Variants in KCNAB1 observed in about 807,000 individuals in gnomAD.
KCNAB1 encodes the protein voltage-gated potassium channel subunit beta-1.
In KCNAB1, 35 loss-of-function variants were observed where a neutral mutation model predicts 64.6. The ratio of observed to expected loss-of-function variants is 0.54; its 90% confidence interval spans 0.41 to 0.72. The LOEUF is 0.72. Among genes scored for constraint, KCNAB1 ranks in the 30% least tolerant of loss-of-function variants. The probability of loss-of-function intolerance (pLI) is 0.00; values close to 1 mark genes in which losing one functional copy is unlikely to be tolerated. For synonymous variants in KCNAB1, 177 were observed against 183.8 expected (o/e 0.96, Z 0.30); for missense variants, 401 against 512.9 (o/e 0.78, Z 2.11).
At chr3:156,391,401 C>A (rs953021904) in intron 1 of KCNAB1, among the ~76,000 whole-genome samples, 1 of 151,994 alleles carries the variant, frequency 6.6e-6, no homozygotes, top group Non-Finnish European at 1.5e-5. Context: ...TAAAAATTTT[C>A]CTTTTGTTTA....
At chr3:156,286,930 C>T (rs1455064429) in intron 1 of KCNAB1, among the ~76,000 whole-genome samples, 2 of 152,162 alleles carry the variant, frequency 1.3e-5, no homozygotes, top group East Asian at 3.8e-4. Flanking sequence ...CATGTTTCTT[C>T]ATTTGTAGAA....
chr3:156,421,799 T>C, intron 2 of KCNAB1, 140 bp downstream of exon 2: 1 of 665,382 alleles, frequency 1.5e-6, no homozygotes, highest in Non-Finnish European at 2.6e-6. Context: ...CCACTTCTCC[T>C]TTGAGCCTTT....
chr3:156,125,306 A>G (rs1046372864), intron 1 of KCNAB1, among the ~76,000 whole-genome samples: 24 of 152,166 alleles, frequency 1.6e-4, no homozygotes, highest in African/African-American at 5.6e-4. Context: ...GACTCCAAAA[A>G]TCCCCAACAA....
At chr3:156,277,514 A>G (rs556431480) in intron 1 of KCNAB1, among the ~76,000 whole-genome samples, 17 of 152,162 alleles carry the variant, frequency 1.1e-4, no homozygotes, top group Non-Finnish European at 2.4e-4. Flanking sequence ...TTCTGTTTCT[A>G]GCTTTTTTCA....
intron 13 of KCNAB1, among the ~76,000 whole-genome samples, chr3:156,534,689 A>G (rs1228910130): frequency 6.6e-6 from 1 of 152,096 alleles, no homozygotes; most frequent in Non-Finnish European, 1.5e-5. Flanking sequence ...TAGGAACCCA[A>G]TCCTGGGAGG....
intron 1 of KCNAB1, among the ~76,000 whole-genome samples, chr3:156,157,270 C>G (rs1465488486): frequency 6.6e-6 from 1 of 152,188 alleles, no homozygotes; most frequent in Non-Finnish European, 1.5e-5. Flanking sequence ...TGAACTCCTA[C>G]TTAACAGAAC....
At chr3:156,145,543 T>C (rs545649477) in intron 1 of KCNAB1, among the ~76,000 whole-genome samples, 1 of 152,174 alleles carries the variant, frequency 6.6e-6, no homozygotes, top group South Asian at 2.1e-4. Context: ...TTCATATTCT[T>C]ACTTCTTTAT....
At chr3:156,500,549 A>T (rs1010884433) in intron 8 of KCNAB1, among the ~76,000 whole-genome samples, 2 of 152,160 alleles carry the variant, frequency 1.3e-5, no homozygotes, top group African/African-American at 2.4e-5. Context: ...ATTCTTAAAG[A>T]TATTATCTTT....
At chr3:156,357,899 A>T (rs1446010812) in intron 1 of KCNAB1, among the ~76,000 whole-genome samples, 1 of 151,434 alleles carries the variant, frequency 6.6e-6, no homozygotes, top group East Asian at 1.9e-4. Flanking sequence ...CTCAATTTAG[A>T]TGCTAAAGTT....
chr3:156,439,042 C>A (rs1022119375), intron 2 of KCNAB1, among the ~76,000 whole-genome samples: 6 of 129,308 alleles, frequency 4.6e-5, no homozygotes, highest in African/African-American at 8.7e-5. Context: ...AAAAAAAAAA[C>A]CAGGATAGAC....
At chr3:156,288,878 A>G (rs1278279191) in intron 1 of KCNAB1, among the ~76,000 whole-genome samples, 2 of 152,108 alleles carry the variant, frequency 1.3e-5, no homozygotes, top group Non-Finnish European at 2.9e-5. Context: ...TTCTTTTTTT[A>G]AGGAATCAAG....
intron 1 of KCNAB1, among the ~76,000 whole-genome samples, chr3:156,370,917 A>G (rs1407179287): frequency 2.0e-5 from 3 of 152,218 alleles, no homozygotes; most frequent in Non-Finnish European, 4.4e-5. Context: ...TGGCTTGTGA[A>G]CATCATGCAG....
At chr3:156,499,248 T>C (rs975151652) in intron 8 of KCNAB1, among the ~76,000 whole-genome samples, 2 of 152,244 alleles carry the variant, frequency 1.3e-5, no homozygotes, top group Admixed American at 1.3e-4. Flanking sequence ...GCAGTCCTGA[T>C]TTGGCTCCTT....
chr3:156,246,796 CT>C, intron 1 of KCNAB1, among the ~76,000 whole-genome samples: 1 of 152,230 alleles, frequency 6.6e-6, no homozygotes, highest in Non-Finnish European at 1.5e-5. Flanking sequence ...GTGGTTTCAT[CT>C]GCTGTATTTG....
chr3:156,298,300 A>G (rs904474969), intron 1 of KCNAB1, among the ~76,000 whole-genome samples: 14 of 152,220 alleles, frequency 9.2e-5, no homozygotes, highest in Non-Finnish European at 1.6e-4. Context: ...GCATGCATGC[A>G]TGTGCGCACG....
chr3:156,483,736 G>A (rs964203065), intron 8 of KCNAB1, among the ~76,000 whole-genome samples: 1 of 152,070 alleles, frequency 6.6e-6, no homozygotes, highest in Non-Finnish European at 1.5e-5. Context: ...CCTCAGGTCC[G>A]GCAAATCTTC....
intron 1 of KCNAB1, among the ~76,000 whole-genome samples, chr3:156,400,028 G>A (rs965075663): frequency 2.0e-5 from 3 of 151,990 alleles, no homozygotes; most frequent in East Asian, 1.9e-4. Context: ...TGGTGGCCAC[G>A]GTTCTAAACA....
intron 1 of KCNAB1, among the ~76,000 whole-genome samples, chr3:156,254,393 G>A (rs1280639791): frequency 6.6e-6 from 1 of 152,178 alleles, no homozygotes; most frequent in East Asian, 1.9e-4. Context: ...GTCTCTCACA[G>A]GAGCATTTTC....
chr3:156,124,278 G>A (rs1235085104), intron 1 of KCNAB1, among the ~76,000 whole-genome samples: 3 of 150,576 alleles, frequency 2.0e-5, no homozygotes, highest in African/African-American at 4.9e-5. Flanking sequence ...GTGCAGTGGC[G>A]CAAACTCAGC....
Sources: allele counts gnomAD v4.1 joint callset (sites outside exome capture counted in the v4.1 genomes callset), GRCh38; gene constraint gnomAD v4.1.1; transcripts MANE v1.5; gene names NCBI Gene and HGNC (gene_info 2026-07-23, HGNC 2026-07-21).